The following ATG5 variants were observed in gnomAD, a reference collection of about 807,000 sequenced individuals.
The protein encoded by ATG5 is autophagy protein 5.
In ATG5, 14 loss-of-function variants were observed where a neutral mutation model predicts 36.5. The ratio of observed to expected loss-of-function variants is 0.38; its 90% confidence interval spans 0.25 to 0.60. The LOEUF (loss-of-function observed/expected upper bound fraction) is 0.60, where lower values mean the gene tolerates loss of function less well. Ranked by LOEUF, ATG5 falls within the 20% of genes least tolerant of loss-of-function variation. The pLI is 0.60. For missense variants in ATG5, 195 were observed against 326.7 expected, an observed-to-expected ratio of 0.60 and a Z score of 3.11; for synonymous variants, 95 against 101.5, an observed-to-expected ratio of 0.94 and a Z score of 0.38.
intron 6 of ATG5, among the ~76,000 whole-genome samples, chr6:106,224,159 G>A (rs1777356078): frequency 6.6e-6 from 1 of 152,218 alleles, no homozygotes; most frequent in South Asian, 2.1e-4. Flanking sequence ...AACAGAGTCA[G>A]ATAATAAAAG....
At chr6:106,299,773 T>G (rs1391587510) in intron 3 of ATG5, among the ~76,000 whole-genome samples, 5 of 152,248 alleles carry the variant, frequency 3.3e-5, no homozygotes, top group African/African-American at 7.2e-5. Flanking sequence ...TGTACTCAGA[T>G]AGCAAACTAA....
At chr6:106,268,032 CTA>C (rs1491173025) in intron 5 of ATG5, among the ~76,000 whole-genome samples, 1 of 151,932 alleles carries the variant, frequency 6.6e-6, no homozygotes, top group African/African-American at 2.4e-5. Context: ...GCAAAAGAAA[CTA>C]TCATCAGAGT....
intron 6 of ATG5, among the ~76,000 whole-genome samples, chr6:106,237,804 T>C (rs956082720): frequency 1.3e-5 from 2 of 152,214 alleles, no homozygotes; most frequent in African/African-American, 4.8e-5. Flanking sequence ...AGGATTTCCT[T>C]AGTTTGTTCA....
At chr6:106,201,680 AAGT>A (rs2114355640) in intron 7 of ATG5, 1 of 177,600 alleles carries the variant, frequency 5.6e-6, no homozygotes, top group Non-Finnish European at 1.2e-5. Flanking sequence ...GCAAGATTAA[AAGT>A]AGTATTTATC....
intron 4 of ATG5, among the ~76,000 whole-genome samples, chr6:106,289,469 G>GA (rs954601624): frequency 3.4e-4 from 51 of 152,078 alleles, no homozygotes; most frequent in Non-Finnish European, 8.8e-5. Flanking sequence ...AAGAACAGCT[G>GA]AAAGAAACAC....
At chr6:106,301,144 T>C (rs1770189799) in intron 3 of ATG5, among the ~76,000 whole-genome samples, 1 of 152,090 alleles carries the variant, frequency 6.6e-6, no homozygotes, top group Admixed American at 6.6e-5. Context: ...GAGCACCCTC[T>C]GCTGACTAAC....
At chr6:106,260,134 G>A (rs968430672) in intron 5 of ATG5, among the ~76,000 whole-genome samples, 1 of 152,150 alleles carries the variant, frequency 6.6e-6, no homozygotes, top group African/African-American at 2.4e-5. Flanking sequence ...GGAAGGGATA[G>A]CATTAGGAGA....
At chr6:106,264,682 A>G (rs530809211) in intron 5 of ATG5, among the ~76,000 whole-genome samples, 24 of 152,180 alleles carry the variant, frequency 1.6e-4, no homozygotes, top group Non-Finnish European at 2.9e-4. Flanking sequence ...GTGGGAGCCA[A>G]TATATTCAAC....
Position 106,279,695 on chromosome 6 carries a change from T to C in ATG5, c.444A>G (p.Lys148=), listed in dbSNP as rs34601838. 0.018 allele frequency: 28,540 copies of C among 1,602,582 alleles called. 353 individuals carry two copies. The highest frequency in any genetic ancestry group is 0.051 in the African/African-American group (3,781 of 74,534). The change falls in exon 5 of 8, where the codon AAA becomes AAG. Residue 148 remains lysine (K), a synonymous_variant. Coordinates refer to ENST00000369076, the MANE Select transcript of ATG5 (RefSeq NM_004849.4). The stretch of plus-strand genomic sequence containing the variant: ...ATCCCATCCAGAGTTGCTTGTGATC[T>C]TTTTTCTGCATTTCATTGATTACTT... The part of the protein sequence containing the change: ...KSQVINEMQK[K]DHKQLWMGLQ...
chr6:106,193,174 A>T (rs1433320287), intron 7 of ATG5, among the ~76,000 whole-genome samples: 1 of 152,208 alleles, frequency 6.6e-6, no homozygotes, highest in Admixed American at 6.6e-5. Flanking sequence ...TTATCCTATG[A>T]TCACAAACAG....
intron 5 of ATG5, among the ~76,000 whole-genome samples, chr6:106,255,634 A>G (rs149397717): frequency 2.0e-4 from 31 of 152,324 alleles, no homozygotes; most frequent in African/African-American, 6.3e-4. Context: ...ATTAAGAATA[A>G]TTTATTTCAA....
intron 4 of ATG5, among the ~76,000 whole-genome samples, chr6:106,280,467 A>G (rs951865848): frequency 4.6e-5 from 7 of 152,112 alleles, no homozygotes; most frequent in Non-Finnish European, 8.8e-5. Flanking sequence ...TAAGCTTACT[A>G]TAAGTCAATT....
chr6:106,241,825 G>A (rs1778134948), intron 6 of ATG5, among the ~76,000 whole-genome samples: 1 of 152,106 alleles, frequency 6.6e-6, no homozygotes, highest in African/African-American at 2.4e-5. Flanking sequence ...CCCTGGCTTG[G>A]TGAGTCCAGG....
At chr6:106,257,736 C>T (rs1462770441) in intron 5 of ATG5, among the ~76,000 whole-genome samples, 1 of 152,220 alleles carries the variant, frequency 6.6e-6, no homozygotes, top group African/African-American at 2.4e-5. Flanking sequence ...CTCCTCCATT[C>T]TATTTCAAAT....
intron 7 of ATG5, among the ~76,000 whole-genome samples, chr6:106,189,281 T>G (rs1218456642): frequency 6.6e-6 from 1 of 152,000 alleles, no homozygotes; most frequent in Non-Finnish European, 1.5e-5. Flanking sequence ...CAACAAAGTA[T>G]GAAGGACATT....
chr6:106,313,168 C>T (rs1381256556), intron 2 of ATG5, among the ~76,000 whole-genome samples: 1 of 152,202 alleles, frequency 6.6e-6, no homozygotes, highest in South Asian at 2.1e-4. Flanking sequence ...AGGAAGAATA[C>T]TTCTTCCATT....
intron 6 of ATG5, among the ~76,000 whole-genome samples, chr6:106,243,244 C>T (rs1778195377): frequency 6.6e-6 from 1 of 152,146 alleles, no homozygotes; most frequent in African/African-American, 2.4e-5. Flanking sequence ...AACAACTTTA[C>T]ATTCAATCGT....
intron 5 of ATG5, among the ~76,000 whole-genome samples, chr6:106,278,617 G>A (rs1409290620): frequency 6.6e-6 from 1 of 152,158 alleles, no homozygotes. Context: ...GTCAGCTATT[G>A]CTTCCATAAC....
At chr6:106,231,634 C>G (rs1777696967) in intron 6 of ATG5, among the ~76,000 whole-genome samples, 1 of 152,200 alleles carries the variant, frequency 6.6e-6, no homozygotes, top group Non-Finnish European at 1.5e-5. Flanking sequence ...ATTGAGGAAG[C>G]ATACCTCTCT....
Sources: gnomAD v4.1 joint callset for allele counts (sites outside exome capture counted in the v4.1 genomes callset) on GRCh38, gnomAD v4.1.1 for gene constraint, MANE v1.5 for transcripts, NCBI Gene and HGNC (gene_info 2026-07-23, HGNC 2026-07-21) for gene names.